CFAP299: variants seen among roughly 807,000 people sequenced by gnomAD.
CFAP299 encodes the protein cilia- and flagella-associated protein 299.
Under a neutral mutation model 27.0 loss-of-function variants are expected in CFAP299, and 21 were observed. The ratio of observed to expected loss-of-function variants is 0.78; its 90% CI spans 0.55 to 1.12. The LOEUF (loss-of-function observed/expected upper bound fraction) is 1.12. CFAP299 is among the 50% of genes most tolerant of loss of function. The pLI is 0.00. For synonymous variants in CFAP299, 104 were observed against 98.1 expected (o/e 1.06, Z -0.36); for missense variants, 310 against 276.6 (o/e 1.12, Z -0.86).
chr4:80,532,211 G>A (rs1186185598), intron 2 of CFAP299, among the ~76,000 whole-genome samples: 1 of 152,102 alleles, frequency 6.6e-6, no homozygotes, highest in Non-Finnish European at 1.5e-5. Flanking sequence ...TTTATGTATT[G>A]TAGATTTTGG....
At chr4:80,474,242 G>C (rs1033746762) in intron 2 of CFAP299, among the ~76,000 whole-genome samples, 1 of 152,020 alleles carries the variant, frequency 6.6e-6, no homozygotes, top group African/African-American at 2.4e-5. Context: ...TAAGAAGTTG[G>C]ATTACTAACA....
intron 3 of CFAP299, among the ~76,000 whole-genome samples, chr4:80,816,236 A>G (rs1729414608): frequency 6.6e-6 from 1 of 152,110 alleles, no homozygotes; most frequent in African/African-American, 2.4e-5. Context: ...TAATTTGTAA[A>G]TGGTTATGGA....
chr4:80,369,939 A>G (rs1254587820), intron 2 of CFAP299, among the ~76,000 whole-genome samples: 1 of 152,152 alleles, frequency 6.6e-6, no homozygotes, highest in African/African-American at 2.4e-5. Context: ...TTTCTATACA[A>G]TGGGTATATC....
intron 3 of CFAP299, among the ~76,000 whole-genome samples, chr4:80,827,883 C>T (rs1387624334): frequency 6.6e-6 from 1 of 151,818 alleles, no homozygotes; most frequent in Admixed American, 6.6e-5. Context: ...GAAAAATATC[C>T]GTTGCATTTC....
At chr4:80,429,083 T>G (rs573105623) in intron 2 of CFAP299, among the ~76,000 whole-genome samples, 23 of 152,344 alleles carry the variant, frequency 1.5e-4, no homozygotes, top group Middle Eastern at 3.4e-3. Context: ...ACTGTTTTCT[T>G]GATGAGCTTT....
At chr4:80,841,116 A>T (rs1284204466) in intron 3 of CFAP299, among the ~76,000 whole-genome samples, 1 of 152,188 alleles carries the variant, frequency 6.6e-6, no homozygotes, top group African/African-American at 2.4e-5. Flanking sequence ...TGTGCCCAAC[A>T]CACAGTAACA....
In CFAP299 at chr4:80,771,026, A is replaced by G. The variant is rs1276140242; in HGVS notation, c.334-98967A>G. Among the ~76,000 whole-genome samples, 4 of 152,142 alleles carry G rather than the reference A, an allele frequency of 2.6e-5. No homozygotes were observed. In the East Asian group the frequency reaches 7.7e-4, roughly 29 times the overall value. On this transcript the variant is annotated intron_variant, in intron 3 of 5. Coordinates refer to ENST00000358105, the MANE Select transcript of CFAP299 (RefSeq NM_152770.3). ...TAACTGATCAATAACCAATTATGGG[A>G]ATCATATCCCATCGTATTCTCAGGA... is the stretch of plus-strand genomic sequence containing the variant.
intron 3 of CFAP299, among the ~76,000 whole-genome samples, chr4:80,809,263 A>C (rs1729018531): frequency 6.6e-6 from 1 of 152,162 alleles, no homozygotes; most frequent in African/African-American, 2.4e-5. Context: ...TTATATGGGA[A>C]GGGATCACTC....
chr4:80,624,950 G>T (rs1738805834), intron 3 of CFAP299, among the ~76,000 whole-genome samples: 1 of 152,038 alleles, frequency 6.6e-6, no homozygotes, highest in Non-Finnish European at 1.5e-5. Flanking sequence ...AGCTGAGGGA[G>T]TTCATCACCA....
intron 3 of CFAP299, among the ~76,000 whole-genome samples, chr4:80,809,049 A>G (rs1265067255): frequency 1.3e-5 from 2 of 152,168 alleles, no homozygotes; most frequent in Admixed American, 6.6e-5. Context: ...CTGCAAGGTT[A>G]TTTTGCAGAA....
intron 3 of CFAP299, among the ~76,000 whole-genome samples, chr4:80,678,234 C>T (rs1416107978): frequency 6.6e-6 from 1 of 152,006 alleles, no homozygotes; most frequent in Admixed American, 6.6e-5. Flanking sequence ...CTCCCCTCAA[C>T]CTTCAAGCTA....
At chr4:80,677,802 AG>A (rs1242740811) in intron 3 of CFAP299, among the ~76,000 whole-genome samples, 1 of 152,072 alleles carries the variant, frequency 6.6e-6, no homozygotes, top group East Asian at 1.9e-4. Flanking sequence ...CAGACACAAG[AG>A]TTAACTTTTG....
At chr4:80,945,061 A>G (rs1737403349) in intron 5 of CFAP299, 122 bp downstream of exon 5, 1 of 948,128 alleles carries the variant, frequency 1.1e-6, no homozygotes, top group Admixed American at 2.4e-5. Flanking sequence ...AGGAAATAAC[A>G]TTTTGAAACT....
At chr4:80,803,948 C>T (rs1467457451) in intron 3 of CFAP299, among the ~76,000 whole-genome samples, 2 of 151,856 alleles carry the variant, frequency 1.3e-5, no homozygotes, top group South Asian at 2.1e-4. Flanking sequence ...TGGGGGACAT[C>T]CAAGATCACT....
chr4:80,902,586 TACAC>T lies in CFAP299; in HGVS notation c.476+32488_476+32491del, dbSNP rs3038572. On this transcript the variant is annotated intron_variant, in intron 4 of 5. Transcript: ENST00000358105. ...ATTTTATCCATATATATGTAATATA[TACAC>T]ACACACACACACACACACACACACA... is the stretch of plus-strand genomic sequence containing the variant. Among the ~76,000 whole-genome samples the T allele has an allele frequency of 1.9e-3, 246 of 126,694 alleles. 1 individual carries two copies. The highest frequency in any genetic ancestry group is 5.6e-3 in the African/African-American group (188 of 33,746). The allele number at this position is 126,694 out of a possible 152,430, so 83.1% of individuals were successfully genotyped here.
At chr4:80,870,417 G>T in intron 4 of CFAP299, 1 of 1,065,260 alleles carries the variant, frequency 9.4e-7, no homozygotes, top group African/African-American at 1.7e-5. Context: ...AACCTCATGA[G>T]GCTTTTGCAG....
At chr4:80,361,662 A>G (rs962523211) in intron 1 of CFAP299, among the ~76,000 whole-genome samples, 1 of 152,170 alleles carries the variant, frequency 6.6e-6, no homozygotes, top group African/African-American at 2.4e-5. Flanking sequence ...ATGTATACAC[A>G]TTGCTTTGTG....
intron 3 of CFAP299, among the ~76,000 whole-genome samples, chr4:80,713,207 T>TA (rs1722275441): frequency 6.6e-6 from 1 of 152,028 alleles, no homozygotes; most frequent in Non-Finnish European, 1.5e-5. Flanking sequence ...TAATGGATCT[T>TA]AAAGTAAAAA....
intron 2 of CFAP299, among the ~76,000 whole-genome samples, chr4:80,543,233 A>G (rs1052386227): frequency 9.9e-5 from 15 of 152,210 alleles, no homozygotes; most frequent in Middle Eastern, 3.2e-3. Flanking sequence ...TTCAAAGTGT[A>G]AAGGAACATC....
Sources: allele counts gnomAD v4.1 joint callset (sites outside exome capture counted in the v4.1 genomes callset), GRCh38; gene constraint gnomAD v4.1.1; transcripts MANE v1.5; gene names NCBI Gene and HGNC (gene_info 2026-07-23, HGNC 2026-07-21).